TOX3: variants seen among roughly 807,000 people sequenced by gnomAD.
TOX3 encodes TOX high mobility group box family member 3, also known as CAG trinucleotide repeat-containing gene F9 protein.
TOX3 carries 22 observed loss-of-function variants against 64.3 expected under a neutral mutation model. The observed-to-expected ratio is 0.34, with a 90% CI of 0.24 to 0.49. The LOEUF is 0.49. TOX3 is among the 20% of genes least tolerant of loss of function. The pLI is 0.99. For synonymous variants in TOX3, 291 were observed against 273.6 expected, an observed-to-expected ratio of 1.06 and a Z score of -0.63; for missense variants, 661 against 714.4, an observed-to-expected ratio of 0.93 and a Z score of 0.85.
chr16:52,529,394 C>T (rs137902018), intron 1 of TOX3, among the ~76,000 whole-genome samples: 32 of 151,800 alleles, frequency 2.1e-4, no homozygotes, highest in African/African-American at 2.9e-4. Flanking sequence ...CCTTTTAGAA[C>T]GATAAGAATA....
Position 52,547,117 on chromosome 16 carries a change from C to T in TOX3, c.-394G>A. On this transcript the variant is annotated 5_prime_UTR_variant, in exon 1 of 7. Transcript: ENST00000219746. ...CCCGCTCCTCCTCCTCCTCCCCGGG[C>T]GGACTGAGGAGACGAGCCGCGGAGA... 9.3e-6 allele frequency: 2 copies of T among 214,702 alleles called. No homozygotes were observed. The highest frequency in any genetic ancestry group is 1.6e-5 in the Non-Finnish European group (2 of 127,816). The allele number at this position is 214,702 out of a possible 1,614,324, so 13.3% of individuals were successfully genotyped here.
intron 1 of TOX3, among the ~76,000 whole-genome samples, chr16:52,471,744 G>C (rs1002711279): frequency 6.6e-6 from 1 of 152,160 alleles, no homozygotes; most frequent in East Asian, 1.9e-4. Flanking sequence ...ATTTAGCCCA[G>C]TGACACCCTC....
chr16:52,454,882 C>G (rs1179084013), intron 3 of TOX3, among the ~76,000 whole-genome samples: 3 of 152,056 alleles, frequency 2.0e-5, no homozygotes, highest in African/African-American at 4.8e-5. Context: ...TTATATACTC[C>G]CACCAAAATT....
intron 1 of TOX3, among the ~76,000 whole-genome samples, chr16:52,484,004 C>A (rs45464096): frequency 0.22 from 33,815 of 152,058 alleles, 4,512 homozygotes; most frequent in South Asian, 0.36. Flanking sequence ...CCAAGGAATC[C>A]TCATACTAGC....
At chr16:52,510,388 A>G (rs1041401562) in intron 1 of TOX3, among the ~76,000 whole-genome samples, 4 of 152,240 alleles carry the variant, frequency 2.6e-5, no homozygotes, top group African/African-American at 7.2e-5. Flanking sequence ...AATTTACATT[A>G]GAACAAAATA....
intron 1 of TOX3, among the ~76,000 whole-genome samples, chr16:52,478,124 G>T (rs370302941): frequency 1.3e-5 from 2 of 152,176 alleles, no homozygotes; most frequent in Non-Finnish European, 2.9e-5. Context: ...CAGTGCAAGA[G>T]AATTTTACTA....
intron 1 of TOX3, among the ~76,000 whole-genome samples, chr16:52,532,950 A>G (rs3095598): frequency 0.039 from 5,918 of 152,244 alleles, 269 homozygotes; most frequent in East Asian, 0.15. Flanking sequence ...AGGCACTGGT[A>G]TTTTTGCATG....
chr16:52,510,114 G>A (rs1184121900), intron 1 of TOX3, among the ~76,000 whole-genome samples: 2 of 148,002 alleles, frequency 1.4e-5, no homozygotes, highest in Admixed American at 1.4e-4. Flanking sequence ...GCATTTCCAA[G>A]GGAAAGAACA....
chr16:52,541,269 G>T (rs556735765), intron 1 of TOX3, among the ~76,000 whole-genome samples: 1 of 152,292 alleles, frequency 6.6e-6, no homozygotes, highest in South Asian at 2.1e-4. Flanking sequence ...AGCATGAGAT[G>T]CACTTGATCT....
At chr16:52,504,470 A>AAC (rs1962103309) in intron 1 of TOX3, among the ~76,000 whole-genome samples, 2 of 151,336 alleles carry the variant, frequency 1.3e-5, no homozygotes, top group African/African-American at 2.4e-5. Context: ...CCGTCTCAAA[A>AAC]AAAAAAAAAA....
chr16:52,455,211 C>G (rs1443254880), intron 3 of TOX3, among the ~76,000 whole-genome samples: 1 of 151,952 alleles, frequency 6.6e-6, no homozygotes, highest in Non-Finnish European at 1.5e-5. Flanking sequence ...TCTGCCTTGT[C>G]TCGTTTTGTC....
chr16:52,518,242 T>C (rs1445930362), intron 1 of TOX3, among the ~76,000 whole-genome samples: 1 of 152,210 alleles, frequency 6.6e-6, no homozygotes, highest in Non-Finnish European at 1.5e-5. Context: ...CAATAATTAC[T>C]ATTCTCTGGT....
chr16:52,442,417 A>G (rs527940651), intron 6 of TOX3, among the ~76,000 whole-genome samples: 48 of 152,158 alleles, frequency 3.2e-4, no homozygotes, highest in Non-Finnish European at 4.9e-4. Flanking sequence ...TTTCCCTTAT[A>G]TAACGGCCCT....
intron 1 of TOX3, among the ~76,000 whole-genome samples, chr16:52,479,362 G>A (rs1344174682): frequency 6.6e-6 from 1 of 152,224 alleles, no homozygotes; most frequent in Admixed American, 6.5e-5. Flanking sequence ...GTGCTTAGGG[G>A]AGGCTTAGCT....
intron 6 of TOX3, among the ~76,000 whole-genome samples, chr16:52,440,425 G>A (rs1187656447): frequency 6.6e-6 from 1 of 152,204 alleles, no homozygotes; most frequent in African/African-American, 2.4e-5. Flanking sequence ...TAGATCTGAA[G>A]AACCAGTCAG....
chr16:52,529,683 GA>G (rs1962808299), intron 1 of TOX3, among the ~76,000 whole-genome samples: 1 of 152,162 alleles, frequency 6.6e-6, no homozygotes. Flanking sequence ...TCAATGCAAA[GA>G]AAGAACAAGA....
At chr16:52,520,649 T>A (rs1453386994) in intron 1 of TOX3, among the ~76,000 whole-genome samples, 2 of 152,210 alleles carry the variant, frequency 1.3e-5, no homozygotes, top group African/African-American at 4.8e-5. Flanking sequence ...TATTCCCTTA[T>A]TACATAATAC....
At chr16:52,519,164 T>G (rs1962532450) in intron 1 of TOX3, among the ~76,000 whole-genome samples, 2 of 152,252 alleles carry the variant, frequency 1.3e-5, no homozygotes, top group South Asian at 4.1e-4. Context: ...ATGGATGGGC[T>G]AATCCGTCTT....
At chr16:52,463,033 T>C (rs1596792662) in intron 3 of TOX3, among the ~76,000 whole-genome samples, 3 of 152,226 alleles carry the variant, frequency 2.0e-5, no homozygotes. Flanking sequence ...GAATTAACAA[T>C]GAAGCCAATA....
Sources: allele counts gnomAD v4.1 joint callset (sites outside exome capture counted in the v4.1 genomes callset), GRCh38; gene constraint gnomAD v4.1.1; transcripts MANE v1.5; gene names NCBI Gene and HGNC (gene_info 2026-07-23, HGNC 2026-07-21).